The following PIP5K1B variants were observed in gnomAD, a reference collection of about 807,000 sequenced individuals.
The protein encoded by PIP5K1B is phosphatidylinositol-4-phosphate 5-kinase type 1 beta, also known as phosphatidylinositol 4-phosphate 5-kinase type-1 beta.
In PIP5K1B, 42 loss-of-function variants were observed where a neutral mutation model predicts 67.0. The ratio of observed to expected loss-of-function variants is 0.63; its 90% CI spans 0.49 to 0.81. PIP5K1B has a LOEUF of 0.81. Ranked by LOEUF, PIP5K1B falls within the 30% of genes least tolerant of loss-of-function variation. The pLI is 0.00. For missense variants in PIP5K1B, 459 were observed against 646.3 expected (o/e 0.71, Z 3.14); for synonymous variants, 214 against 231.4 (o/e 0.92, Z 0.68).
At chr9:68,801,359 G>T (rs1031375647) in intron 2 of PIP5K1B, among the ~76,000 whole-genome samples, 6 of 152,014 alleles carry the variant, frequency 3.9e-5, no homozygotes, top group African/African-American at 1.4e-4. Flanking sequence ...TCACAACAAT[G>T]CTAAATACTT....
intron 13 of PIP5K1B, among the ~76,000 whole-genome samples, chr9:68,940,313 C>T (rs993288476): frequency 1.3e-5 from 2 of 152,210 alleles, no homozygotes; most frequent in Non-Finnish European, 2.9e-5. Context: ...CTTTTAATCT[C>T]TGCCAAATTG....
chr9:68,953,434 A>G (rs1828198268), intron 14 of PIP5K1B, among the ~76,000 whole-genome samples: 1 of 151,424 alleles, frequency 6.6e-6, no homozygotes, highest in Admixed American at 6.6e-5. Flanking sequence ...TTCTCTTTGT[A>G]GTCTACATGT....
chr9:68,707,753 G>A (rs532630143), intron 1 of PIP5K1B: 4 of 152,236 alleles, frequency 2.6e-5, no homozygotes, highest in South Asian at 2.1e-4. Flanking sequence ...ATAGCAATGA[G>A]GACACATCAT....
At chr9:68,928,437 T>G (rs1159698356) in intron 12 of PIP5K1B, among the ~76,000 whole-genome samples, 1 of 152,222 alleles carries the variant, frequency 6.6e-6, no homozygotes, top group Non-Finnish European at 1.5e-5. Flanking sequence ...TAGTTAAGCC[T>G]TATGCTTACA....
At chr9:68,777,140 A>C (rs992492721) in intron 2 of PIP5K1B, among the ~76,000 whole-genome samples, 6 of 152,226 alleles carry the variant, frequency 3.9e-5, no homozygotes, top group African/African-American at 1.4e-4. Flanking sequence ...TAGAGCTCTT[A>C]GAATCAGTGT....
chr9:68,864,410 C>G (rs1392534649), intron 5 of PIP5K1B, among the ~76,000 whole-genome samples: 1 of 152,220 alleles, frequency 6.6e-6, no homozygotes, highest in East Asian at 1.9e-4. Flanking sequence ...TTAGTCTTAT[C>G]TCTTCTCTTT....
chr9:68,755,906 G>A (rs1342528700), intron 2 of PIP5K1B, among the ~76,000 whole-genome samples: 2 of 152,210 alleles, frequency 1.3e-5, no homozygotes, highest in Non-Finnish European at 2.9e-5. Flanking sequence ...AGATCATCCT[G>A]CCTGACCTCT....
intron 14 of PIP5K1B, among the ~76,000 whole-genome samples, chr9:68,961,279 A>C (rs1828733702): frequency 6.6e-6 from 1 of 151,944 alleles, no homozygotes; most frequent in Non-Finnish European, 1.5e-5. Context: ...GTTAGCAGTT[A>C]CCTAGTGCTG....
chr9:68,837,607 G>GTTTT lies in PIP5K1B; in HGVS notation c.69+14939_69+14942dup, dbSNP rs57120656. 4.8e-4 allele frequency among the ~76,000 whole-genome samples: 54 copies of GTTTT among 111,854 alleles called. 3 individuals are homozygous for GTTTT. The highest frequency in any genetic ancestry group is 5.4e-3 in the Middle Eastern group (1 of 186). The allele number at this position is 111,854 out of a possible 152,430, so 73.4% of individuals were successfully genotyped here. ...AGACTTTTACTTTTCCTTACTTTGT[G>GTTTT]TTTTTTTTTTTTTTTTTTGACCCAA... On this transcript the variant is annotated intron_variant, in intron 4 of 15. Coordinates refer to ENST00000265382, the MANE Select transcript of PIP5K1B (RefSeq NM_003558.4).
intron 15 of PIP5K1B, among the ~76,000 whole-genome samples, chr9:69,002,789 C>T (rs1830881493): frequency 6.6e-6 from 1 of 151,984 alleles, no homozygotes; most frequent in Non-Finnish European, 1.5e-5. Flanking sequence ...TCAAGACCAG[C>T]CTGGGCAACA....
chr9:68,892,728 A>G (rs189246678), intron 7 of PIP5K1B, among the ~76,000 whole-genome samples: 1 of 152,352 alleles, frequency 6.6e-6, no homozygotes, highest in East Asian at 1.9e-4. Context: ...AAGCAAACAC[A>G]CACACACACA....
At chr9:68,919,894 G>A (rs1206602870) in intron 11 of PIP5K1B, among the ~76,000 whole-genome samples, 165 bp downstream of exon 11, 2 of 152,126 alleles carry the variant, frequency 1.3e-5, no homozygotes, top group African/African-American at 4.8e-5. Flanking sequence ...CTAAGAATAA[G>A]GACAACATAA....
At chr9:68,989,837 A>G (rs1830280356) in intron 14 of PIP5K1B, among the ~76,000 whole-genome samples, 9 of 152,072 alleles carry the variant, frequency 5.9e-5, no homozygotes, top group Admixed American at 5.9e-4. Flanking sequence ...AAAATTAGCC[A>G]GGCATGGTGG....
chr9:68,930,117 T>G (rs1826917696), intron 12 of PIP5K1B, among the ~76,000 whole-genome samples: 1 of 152,214 alleles, frequency 6.6e-6, no homozygotes, highest in Non-Finnish European at 1.5e-5. Context: ...CTTTGGAAGC[T>G]TTTCATCCCT....
intron 13 of PIP5K1B, among the ~76,000 whole-genome samples, chr9:68,936,753 G>C (rs1369921835): frequency 6.6e-6 from 1 of 152,012 alleles, no homozygotes; most frequent in Non-Finnish European, 1.5e-5. Context: ...TCTCCGAATT[G>C]GTGTCTCCAA....
At chr9:68,896,522 G>C (rs1249296741) in intron 8 of PIP5K1B, among the ~76,000 whole-genome samples, 1 of 152,166 alleles carries the variant, frequency 6.6e-6, no homozygotes, top group Non-Finnish European at 1.5e-5. Flanking sequence ...GTTGTTCTAA[G>C]GAACATAAAG....
rs1026464754 is a variant in PIP5K1B at position 68,986,263 on chromosome 9, T to C, written c.1503-4877T>C. On this transcript the variant is annotated intron_variant, in intron 14 of 15. Coordinates refer to ENST00000265382, the MANE Select transcript of PIP5K1B (RefSeq NM_003558.4). ...TCCTCTCCAACAAGTTTAATTTTTC[T>C]GATTTTCTATGATAACTATCCCAGT... Among the ~76,000 whole-genome samples, 7 of 152,346 alleles carry C rather than the reference T, an allele frequency of 4.6e-5. No individual in the cohort carries two copies. In the East Asian group the frequency reaches 1.3e-3, roughly 29 times the overall value.
At position 68,715,416 on chromosome 9, in the gene PIP5K1B, T is replaced by TG. The variant is rs146334191; in HGVS notation, c.-243+9655dup. On this transcript the variant is annotated intron_variant, in intron 1 of 15. Transcript: ENST00000265382. ...CCCCTTGCTGTTTCTGAGCCACACT[T>TG]GCAACTGCCAGCTTCACACCCTCTG... 3.6e-3 allele frequency among the ~76,000 whole-genome samples: 555 copies of TG among 152,290 alleles called. 2 individuals are homozygous for TG. The highest frequency in any genetic ancestry group is 0.012 in the African/African-American group (515 of 41,564).
chr9:68,830,697 A>C (rs1295996589), intron 4 of PIP5K1B, among the ~76,000 whole-genome samples: 2 of 152,158 alleles, frequency 1.3e-5, no homozygotes, highest in Non-Finnish European at 2.9e-5. Context: ...TGGCAAAAAA[A>C]CCCCACAGTG....
Sources: allele counts gnomAD v4.1 joint callset (sites outside exome capture counted in the v4.1 genomes callset), GRCh38; gene constraint gnomAD v4.1.1; transcripts MANE v1.5; gene names NCBI Gene and HGNC (gene_info 2026-07-23, HGNC 2026-07-21).